Variants in ABCB5 observed in about 807,000 individuals in gnomAD.
The protein encoded by ABCB5 is ATP-binding cassette sub-family B member 5.
A neutral mutation model predicts 144.2 loss-of-function variants in ABCB5; 155 were observed. The observed-to-expected ratio is 1.08, with a 90% CI of 0.94 to 1.23. The LOEUF (loss-of-function observed/expected upper bound fraction) is 1.23. Ranked by LOEUF, ABCB5 falls within the 50% of genes most tolerant of loss-of-function variation. The pLI, the probability that ABCB5 is intolerant of heterozygous loss-of-function variation, is 0.00. For synonymous variants in ABCB5, 610 were observed against 528.6 expected (o/e 1.15, Z -2.11); for missense variants, 1,830 against 1,520.8 (o/e 1.20, Z -3.38).
intron 26 of ABCB5, among the ~76,000 whole-genome samples, chr7:20,749,246 T>C (rs144861163): frequency 1.4e-5 from 2 of 141,136 alleles, no homozygotes; most frequent in East Asian, 2.3e-4. Flanking sequence ...CTTTTCTTTC[T>C]TCACAGGGTC....
At chr7:20,641,916 T>A (rs1784304356) in intron 5 of ABCB5, 1 of 152,354 alleles carries the variant, frequency 6.6e-6, no homozygotes, top group Admixed American at 6.5e-5. Flanking sequence ...TTGTTCTTGT[T>A]CAGGGCGTCC....
At chr7:20,628,552 C>T in intron 3 of ABCB5, 136 bp from the exon 4 acceptor site, 1 of 772,244 alleles carries the variant, frequency 1.3e-6, no homozygotes, top group Non-Finnish European at 2.0e-6. Flanking sequence ...TGATTTTATG[C>T]ACTTATTTAC....
intron 16 of ABCB5, among the ~76,000 whole-genome samples, chr7:20,689,406 A>G (rs1786129776): frequency 6.6e-6 from 1 of 152,160 alleles, no homozygotes; most frequent in South Asian, 2.1e-4. Flanking sequence ...TGAGCTTCAG[A>G]ACCTGTCAGG....
intron 5 of ABCB5, among the ~76,000 whole-genome samples, chr7:20,639,500 C>T (rs1330968025): frequency 6.6e-6 from 1 of 152,096 alleles, no homozygotes; most frequent in Non-Finnish European, 1.5e-5. Flanking sequence ...GGTCTATGAT[C>T]CATTTTGAGT....
chr7:20,663,292 C>T (rs1216146467), intron 14 of ABCB5, among the ~76,000 whole-genome samples: 1 of 152,182 alleles, frequency 6.6e-6, no homozygotes, highest in African/African-American at 2.4e-5. Flanking sequence ...TATTGGTATA[C>T]TAGTGTTCAT....
At chr7:20,689,999 G>A (rs1414120521) in intron 16 of ABCB5, among the ~76,000 whole-genome samples, 1 of 152,100 alleles carries the variant, frequency 6.6e-6, no homozygotes, top group Admixed American at 6.5e-5. Context: ...GGGCCTCTTA[G>A]GCCATCATGA....
At chr7:20,737,583 A>C (rs1302193821) in intron 23 of ABCB5, among the ~76,000 whole-genome samples, 1 of 152,148 alleles carries the variant, frequency 6.6e-6, no homozygotes, top group Non-Finnish European at 1.5e-5. Context: ...TCATGGGAAG[A>C]AGCTATTTTC....
At chr7:20,691,242 T>C (rs868778717) in intron 16 of ABCB5, among the ~76,000 whole-genome samples, 20 of 126,278 alleles carry the variant, frequency 1.6e-4, no homozygotes, top group Middle Eastern at 0.011. Flanking sequence ...TAGAGTGCAA[T>C]GGCGCAGTCT....
At position 20,739,044 on chromosome 7, in the gene ABCB5, G is replaced by T. The variant is rs1179965151; in HGVS notation, c.2929G>T (p.Glu977Ter). The change falls in exon 24 of 28, where the codon GAA becomes TAA. Residue 977 changes from glutamate (E) to a stop codon, truncating the protein, a stop_gained. Transcript: ENST00000404938. LOFTEE classifies it high-confidence loss of function. ...CGGAGAAACGCTCGTTTTGGCTCCT[G>T]AATATTCCAAAGCCAAATCGGGGGC... The part of the protein sequence containing the change: ...AIGETLVLAP[E>*]YSKAKSGAAH... 1.2e-6 allele frequency: 2 copies of T among 1,612,112 alleles called. No individual in the cohort carries two copies. Among genetic ancestry groups the T allele is most frequent in the Non-Finnish European group, 1.7e-6 (2 of 1,179,222 alleles).
In ABCB5 at chr7:20,729,693, G is replaced by A. The variant is rs895771133; in HGVS notation, c.2867+1238G>A. 8.5e-5 allele frequency among the ~76,000 whole-genome samples: 13 copies of A among 152,252 alleles called. No homozygotes were observed. In the East Asian group the frequency reaches 2.5e-3, roughly 29 times the overall value. On this transcript the variant is annotated intron_variant, in intron 23 of 27. Transcript: ENST00000404938. ...TCATTGCTAAGCATTTAGAACTGGAGAAATCCATACAATACTTGACTCAAA... is the reference window on the plus strand; with the variant it reads ...TCATTGCTAAGCATTTAGAACTGGAAAAATCCATACAATACTTGACTCAAA...
At chr7:20,719,115 G>A (rs777777552) in intron 20 of ABCB5, among the ~76,000 whole-genome samples, 3 of 152,128 alleles carry the variant, frequency 2.0e-5, no homozygotes, top group Non-Finnish European at 4.4e-5. Context: ...TTTATGTCTA[G>A]AAGCATGTAG....
In ABCB5 at chr7:20,683,081, G is replaced by C. The variant is rs78377921; in HGVS notation, c.1869+1415G>C. Among the ~76,000 whole-genome samples the C allele has an allele frequency of 9.7e-3, 1,411 of 145,930 alleles. 20 individuals carry two copies. The highest frequency in any genetic ancestry group is 0.038 in the African/African-American group (1,339 of 35,658). On this transcript the variant is annotated intron_variant, in intron 15 of 27. Transcript: ENST00000404938. The stretch of plus-strand genomic sequence containing the variant: ...TCTTCAGCTTTCTGATAATATCTTT[G>C]ATGTCAATATTATTATTTTATAAAT...
At chr7:20,645,670 A>T (rs1230399544) in intron 7 of ABCB5, 86 bp from the exon 8 acceptor site, 1 of 1,498,228 alleles carries the variant, frequency 6.7e-7, no homozygotes, top group African/African-American at 1.4e-5. Flanking sequence ...TAGTCTACTT[A>T]GAATTCAAAT....
chr7:20,642,452 G>A (rs948884264), intron 5 of ABCB5, among the ~76,000 whole-genome samples: 1 of 152,066 alleles, frequency 6.6e-6, no homozygotes, highest in Admixed American at 6.6e-5. Context: ...ATCTGCACTA[G>A]CTCTCCCAAC....
At position 20,702,708 on chromosome 7, in the gene ABCB5, C is replaced by G. The variant is rs933009277; in HGVS notation, c.2338-2016C>G. 3.5e-5 allele frequency among the ~76,000 whole-genome samples: 5 copies of G among 140,968 alleles called. No individual in the cohort carries two copies. In the East Asian group the frequency reaches 1.0e-3, roughly 29 times the overall value. The allele number at this position is 140,968 out of a possible 152,430, so 92.5% of individuals were successfully genotyped here. A position where few individuals can be genotyped will look rare whatever the true frequency, so the allele number is the denominator to read the frequency against. ...ACACAGTCTCGCTCTGTCGCCCAGG[C>G]TGGACTGCAATGGCGTGATCTCGGC... On this transcript the variant is annotated intron_variant, in intron 19 of 27. Transcript: ENST00000404938.
rs191701590 is a variant in ABCB5, at chr7:20,655,307, A to C, written c.1537-3199A>C. On this transcript the variant is annotated intron_variant, in intron 13 of 27. Coordinates refer to ENST00000404938, the MANE Select transcript of ABCB5 (RefSeq NM_001163941.2). ...GACAACATGGCAAAACCCTGTCTCT[A>C]CTAAAAATACAAAAAATTAGCTGGG... is the stretch of plus-strand genomic sequence containing the variant. Among the ~76,000 whole-genome samples the C allele has an allele frequency of 3.0e-3, 459 of 152,252 alleles. 11 individuals are homozygous for C. The highest frequency in any genetic ancestry group is 0.028 in the Admixed American group (422 of 15,278).
intron 25 of ABCB5, among the ~76,000 whole-genome samples, chr7:20,743,657 C>G (rs1782629793): frequency 1.3e-5 from 2 of 152,036 alleles, no homozygotes; most frequent in Admixed American, 6.6e-5. Context: ...TGTCCTCCCC[C>G]CACCACCCAC....
intron 24 of ABCB5, among the ~76,000 whole-genome samples, chr7:20,740,494 C>T (rs1215385316): frequency 6.6e-6 from 1 of 152,088 alleles, no homozygotes; most frequent in Non-Finnish European, 1.5e-5. Context: ...ATAAGACTAT[C>T]TGGAAATTCT....
chr7:20,749,145 C>T lies in ABCB5; in HGVS notation c.3429+3707C>T, dbSNP rs1233604167. ...TCTCTCTTTCCCTTTCTTTTCCTCC[C>T]TCCCTCCCTCTCTCTCTCCTTCCTT... On this transcript the variant is annotated intron_variant, in intron 26 of 27. Transcript: ENST00000404938. 4.8e-5 allele frequency among the ~76,000 whole-genome samples: 7 copies of T among 146,660 alleles called. No homozygotes were observed. The East Asian group carries it at 1.4e-3, about 29-fold the overall frequency.
Sources: gnomAD v4.1 joint callset for allele counts (sites outside exome capture counted in the v4.1 genomes callset) on GRCh38, gnomAD v4.1.1 for gene constraint, MANE v1.5 for transcripts, NCBI Gene and HGNC (gene_info 2026-07-23, HGNC 2026-07-21) for gene names.